CD2BP2: variants seen among roughly 807,000 people sequenced by gnomAD.
CD2BP2 encodes CD2 antigen cytoplasmic tail-binding protein 2.
In CD2BP2, 27 loss-of-function variants were observed where a neutral mutation model predicts 35.9. The observed-to-expected ratio is 0.75, with a 90% CI of 0.55 to 1.04. CD2BP2 has a LOEUF of 1.04. Ranked by LOEUF, CD2BP2 falls within the 50% of genes least tolerant of loss-of-function variation. The pLI is 0.00. For synonymous variants in CD2BP2, 213 were observed against 173.5 expected (o/e 1.23, Z -1.79); for missense variants, 497 against 444.3 (o/e 1.12, Z -1.07).
chr16:30,352,956 G>C lies in CD2BP2; in HGVS notation c.*29C>G, dbSNP rs769927367. 5 of 1,415,172 alleles carry C rather than the reference G, an allele frequency of 3.5e-6. No individual in the cohort carries two copies. The highest frequency in any genetic ancestry group is 5.0e-6 in the Non-Finnish European group (5 of 998,710). The allele number at this position is 1,415,172 out of a possible 1,614,324, so 87.7% of individuals were successfully genotyped here. On this transcript the variant is annotated 3_prime_UTR_variant, in exon 7 of 7. Transcript: ENST00000305596. ...CTCCTCCACAAAGTCCAGGAAAGAA[G>C]GGCCCACCAAACTGGGCCCCCAGCA...
At chr16:30,353,149 G>A (rs1179754219) in intron 6 of CD2BP2, 32 bp downstream of exon 6, 7 of 1,607,564 alleles carry the variant, frequency 4.4e-6, no homozygotes, top group Non-Finnish European at 6.0e-6. Flanking sequence ...GGGAAGCAGG[G>A]ACAAGGCAGG....
In CD2BP2 at chr16:30,352,675, C is replaced by T. The variant is rs986136272; in HGVS notation, c.*310G>A. On this transcript the variant is annotated 3_prime_UTR_variant, in exon 7 of 7. Transcript: ENST00000305596. ...AACCTGGGAGAGGAGCACAGAGCAG[C>T]GCAGTTGGGGGTGTTTACACGGCAA... 1.8e-5 allele frequency: 7 copies of T among 392,688 alleles called. No homozygotes were observed. The highest frequency in any genetic ancestry group is 1.5e-4 in the Admixed American group (4 of 25,972). 24.3% of individuals were successfully genotyped at this position (392,688 alleles called of 1,614,324 possible). A position where few individuals can be genotyped will look rare whatever the true frequency, so the allele number is the denominator to read the frequency against.
rs754357984 is a variant in CD2BP2 at position 30,353,081 on chromosome 16, T to C, written c.930A>G (p.Glu310=). The change falls in exon 7 of 7, where the codon GAA becomes GAG. Residue 310 remains glutamate, a synonymous_variant. Transcript: ENST00000305596. ...AATAAACACCGTCCGGGAAGTAGCC[T>C]TCACTCACCCAGGTCTGCAAGGAGA... ...TSAQMQTWVS[E]GYFPDGVYCR... is the part of the protein sequence containing the mutation. 1 of 1,613,656 alleles carries C rather than the reference T, an allele frequency of 6.2e-7. No individual in the cohort carries two copies. The highest frequency in any genetic ancestry group is 8.5e-7 in the Non-Finnish European group (1 of 1,179,810).
intron 1 of CD2BP2, chr16:30,354,981 C>T (rs1396160870): frequency 1.1e-5 from 4 of 360,700 alleles, no homozygotes; most frequent in African/African-American, 2.1e-5. Flanking sequence ...CCGCCCCCAA[C>T]TCCAGCCCCC....
chr16:30,354,357 G>A (rs371062171), intron 2 of CD2BP2, 35 bp from the exon 3 acceptor site: 205 of 1,596,836 alleles, frequency 1.3e-4, no homozygotes, highest in Middle Eastern at 5.0e-4. Flanking sequence ...AGAAATGCAG[G>A]TTACTGGCTA....
chr16:30,354,275 T>C lies in CD2BP2; in HGVS notation c.126A>G (p.Lys42=), dbSNP rs377500973. The change falls in exon 3 of 7, where the codon AAA becomes AAG. Residue 42 remains lysine (K), a synonymous_variant. Coordinates refer to ENST00000305596, the MANE Select transcript of CD2BP2 (RefSeq NM_006110.3). The part of the protein sequence containing the change: ...AGSGGPGSRF[K]GKHSLDSDEE... ...CATCGCTATCCAAAGAGTGTTTGCC[T>C]TTAAAGCGGCTCCCAGGACCCCCTG... 1 of 1,613,940 alleles carries C rather than the reference T, an allele frequency of 6.2e-7. No homozygotes were observed. The highest frequency in any genetic ancestry group is 8.5e-7 in the Non-Finnish European group (1 of 1,179,972).
Position 30,353,979 on chromosome 16 carries a change from G to A in CD2BP2, c.297C>T (p.Gly99=), listed in dbSNP as rs764652242. 1.9e-6 allele frequency: 3 copies of A among 1,614,142 alleles called. No homozygotes were observed. The highest frequency in any genetic ancestry group is 1.7e-5 in the Admixed American group (1 of 60,020). ...PFNLQEEMEE[G]HFDADGNYFL... is the part of the protein sequence containing the mutation. The stretch of plus-strand genomic sequence containing the variant: ...AGTAGTTGCCATCGGCATCAAAGTG[G>A]CCTTCCTCCATCTCCTCCTGCAGGT... The change falls in exon 4 of 7, where the codon GGC becomes GGT. Residue 99 remains glycine (G), a synonymous_variant. Transcript: ENST00000305596.
rs750343739 is a variant in CD2BP2, at chr16:30,354,607, C to G, written c.75G>C (p.Lys25Asn). The G allele has an allele frequency of 1.2e-6, 2 of 1,613,756 alleles. No homozygotes were observed. The highest frequency in any genetic ancestry group is 1.7e-6 in the Non-Finnish European group (2 of 1,179,756). ...CAAAGCAGTCTGGCCCCCTCACCTT[C>G]TTCTTGGGGACAATGATTTCATCCT... ...EDEDEIIVPK[K>N]KLVDPVAGSG... Residue 25 changes from lysine to asparagine, a missense_variant, in exon 2 of 7, where the codon AAG becomes AAC. Transcript: ENST00000305596.
At position 30,353,010 on chromosome 16, in the gene CD2BP2, C is replaced by T. The variant is rs912009661; in HGVS notation, c.1001G>A (p.Arg334His). ...TCAGGTGTAGAGGTCAAAGTCAATG[C>T]GTTTGGAGTTGTAGAACTGACCACC... ...PPGGQFYNSK[R>H]IDFDLYT Residue 334 changes from arginine to histidine, a missense_variant, in exon 7 of 7, where the codon CGC becomes CAC. Arg to His is a conservative substitution (Grantham distance 29). Coordinates refer to ENST00000305596, the MANE Select transcript of CD2BP2 (RefSeq NM_006110.3). 3.1e-6 allele frequency: 5 copies of T among 1,613,218 alleles called. No homozygotes were observed. The highest frequency in any genetic ancestry group is 2.2e-5 in the East Asian group (1 of 44,856).
chr16:30,354,777 C>T (rs796157721), intron 1 of CD2BP2, 70 bp from the exon 2 acceptor site: 1 of 1,079,444 alleles, frequency 9.3e-7, no homozygotes. Flanking sequence ...GCACAGCAAA[C>T]ATTTTTCCTG....
chr16:30,353,036 AG>A lies in CD2BP2; in HGVS notation c.974del (p.Pro325LeufsTer58). ...DGVYCRKLDPPGGQFYNSKRI... is the reference protein window; with the variant it reads ...DGVYCRKLDPXGGQFYNSKRI... Reference sequence around the variant, plus strand: ...GTTTGGAGTTGTAGAACTGACCACCAGGGGGGTCCAGCTTCCGGCAATAAAC... The same window carrying A: ...GTTTGGAGTTGTAGAACTGACCACCAGGGGGTCCAGCTTCCGGCAATAAAC... On this transcript the variant is annotated frameshift_variant, in exon 7 of 7. Transcript: ENST00000305596. LOFTEE classifies it high-confidence loss of function. 1 of 1,613,954 alleles carries A rather than the reference AG, an allele frequency of 6.2e-7. No homozygotes were observed. Among genetic ancestry groups the A allele is most frequent in the East Asian group, 2.2e-5 (1 of 44,858 alleles).
At position 30,353,045 on chromosome 16, in the gene CD2BP2, C is replaced by T; in HGVS notation, c.966G>A (p.Leu322=). Residue 322 remains leucine (L), a synonymous_variant, in exon 7 of 7, where the codon CTG becomes CTA. Transcript: ENST00000305596. ...YFPDGVYCRK[L]DPPGGQFYNS... The stretch of plus-strand genomic sequence containing the variant: ...TGTAGAACTGACCACCAGGGGGGTC[C>T]AGCTTCCGGCAATAAACACCGTCCG... The T allele has an allele frequency of 6.2e-7, 1 of 1,614,092 alleles. No homozygotes were observed. Among genetic ancestry groups the T allele is most frequent in the Non-Finnish European group, 8.5e-7 (1 of 1,179,982 alleles).
chr16:30,354,003 G>T lies in CD2BP2; in HGVS notation c.273C>A (p.Asn91Lys). Residue 91 changes from asparagine (N) to lysine (K), a missense_variant, in exon 4 of 7, where the codon AAC (asparagine) becomes AAA (lysine). Asn to Lys is a moderately conservative substitution (Grantham distance 94). Transcript: ENST00000305596. ...SEGGVRITPF[N>K]LQEEMEEGHF... ...GGCCTTCCTCCATCTCCTCCTGCAG[G>T]TTAAAGGGTGTGATCCGAACACCCC... 3 of 1,614,168 alleles carry T rather than the reference G, an allele frequency of 1.9e-6. No homozygotes were observed. Among genetic ancestry groups the T allele is most frequent in the Non-Finnish European group, 2.5e-6 (3 of 1,180,026 alleles).
At position 30,352,181 on chromosome 16, in the gene CD2BP2, C is replaced by G. The variant is rs2049487449; in HGVS notation, c.*804G>C. On this transcript the variant is annotated 3_prime_UTR_variant, in exon 7 of 7. Transcript: ENST00000305596. Reference sequence around the variant, plus strand: ...AATGTAGGCCGCAGGGCCTCCAAGGCCAGGCAGCAAAGGCTTTGTGCCAAG... The same window carrying G: ...AATGTAGGCCGCAGGGCCTCCAAGGGCAGGCAGCAAAGGCTTTGTGCCAAG... 1 of 152,346 alleles carries G rather than the reference C, an allele frequency of 6.6e-6. No homozygotes were observed. Among genetic ancestry groups the G allele is most frequent in the Non-Finnish European group, 1.5e-5 (1 of 68,116 alleles). The allele number at this position is 152,346 out of a possible 1,614,324, so 9.4% of individuals were successfully genotyped here.
In CD2BP2 at chr16:30,350,994, C is replaced by G. The variant is rs77377658; in HGVS notation, c.*1991G>C. 1.8e-4 allele frequency: 27 copies of G among 152,822 alleles called. No homozygotes were observed. Among genetic ancestry groups the G allele is most frequent in the Middle Eastern group, 3.4e-3 (1 of 294 alleles). The allele number at this position is 152,822 out of a possible 1,614,324, so 9.5% of individuals were successfully genotyped here. A position where few individuals can be genotyped will look rare whatever the true frequency, so the allele number is the denominator to read the frequency against. ...AAGCTTCCTTGCTTCATGCGCAGAC[C>G]CTCGTGACTCCCCTTCCCTTATAAG... On this transcript the variant is annotated 3_prime_UTR_variant, in exon 7 of 7. Coordinates refer to ENST00000305596, the MANE Select transcript of CD2BP2 (RefSeq NM_006110.3).
chr16:30,354,671 C>A lies in CD2BP2; in HGVS notation c.11G>T (p.Arg4Met), dbSNP rs769524934. 3 of 1,614,032 alleles carry A rather than the reference C, an allele frequency of 1.9e-6. No individual in the cohort carries two copies. Among genetic ancestry groups the A allele is most frequent in the South Asian group, 2.2e-5 (2 of 91,068 alleles). Residue 4 changes from arginine (R) to methionine (M), a missense_variant, in exon 2 of 7, where the codon AGG (arginine) becomes ATG (methionine). Transcript: ENST00000305596. MPK[R>M]KVTFQGVGDE... is the part of the protein sequence containing the mutation. ...TCCCACGCCTTGGAAGGTCACTTTC[C>A]TCTTTGGCATGACGGGGCAAAGAGG...
rs759902948 is a variant in CD2BP2 at position 30,353,461 on chromosome 16, G to C, written c.715C>G (p.Pro239Ala). ...LKGLGCQTLG[P>A]HNPTPPPSLD... Reference sequence around the variant, plus strand: ...GAGGGTGGGGGTGTGGGATTGTGGGGTCCTAGGGTCTGACACCCCAAACCC... The same window carrying C: ...GAGGGTGGGGGTGTGGGATTGTGGGCTCCTAGGGTCTGACACCCCAAACCC... The change falls in exon 5 of 7, where the codon CCC (proline) becomes GCC (alanine). Residue 239 changes from proline to alanine, a missense_variant. Physicochemically the swap from Pro to Ala is conservative, Grantham distance 27. Coordinates refer to ENST00000305596, the MANE Select transcript of CD2BP2 (RefSeq NM_006110.3). 3.1e-6 allele frequency: 5 copies of C among 1,613,974 alleles called. No homozygotes were observed. In the East Asian group the frequency reaches 8.9e-5, roughly 29 times the overall value.
Position 30,352,874 on chromosome 16 carries a change from A to T in CD2BP2, c.*111T>A, listed in dbSNP as rs1478386378. 1.4e-6 allele frequency: 1 copy of T among 717,420 alleles called. No individual in the cohort carries two copies. Among genetic ancestry groups the T allele is most frequent in the Non-Finnish European group, 2.5e-6 (1 of 403,264 alleles). The allele number at this position is 717,420 out of a possible 1,614,324, so 44.4% of individuals were successfully genotyped here. A position where few individuals can be genotyped will look rare whatever the true frequency, so the allele number is the denominator to read the frequency against. On this transcript the variant is annotated 3_prime_UTR_variant, in exon 7 of 7. Transcript: ENST00000305596. ...CACAACTAAAGGCTTTTATTGGGAAAGGGAAATTGACTGAAAAATGGCCTC... is the reference window on the plus strand; with the variant it reads ...CACAACTAAAGGCTTTTATTGGGAATGGGAAATTGACTGAAAAATGGCCTC...
In CD2BP2 at chr16:30,352,135, G is replaced by A. The variant is rs543408075; in HGVS notation, c.*850C>T. On this transcript the variant is annotated 3_prime_UTR_variant, in exon 7 of 7. Transcript: ENST00000305596. ...TCCTCAAGGCACTAGCCCTGTGCCA[G>A]GCACATAGTGGGGTCCAGAGAATGT... The A allele has an allele frequency of 7.2e-5, 11 of 152,410 alleles. No individual in the cohort carries two copies. Among genetic ancestry groups the A allele is most frequent in the Non-Finnish European group, 1.6e-4 (11 of 68,068 alleles). 9.4% of individuals were successfully genotyped at this position (152,410 alleles called of 1,614,324 possible). A position where few individuals can be genotyped will look rare whatever the true frequency, so the allele number is the denominator to read the frequency against.
Sources: gnomAD v4.1 joint callset for allele counts on GRCh38, gnomAD v4.1.1 for gene constraint, MANE v1.5 for transcripts, NCBI Gene and HGNC (gene_info 2026-07-23, HGNC 2026-07-21) for gene names.